ERICH1: variants seen among roughly 807,000 people sequenced by gnomAD.
ERICH1 encodes glutamate-rich protein 1.
Under a neutral mutation model 39.6 loss-of-function variants are expected in ERICH1, and 56 were observed. That is an observed-to-expected ratio of 1.41 (90% CI 1.14 to 1.77). ERICH1 has a LOEUF of 1.77. Ranked by LOEUF, ERICH1 falls within the 40% of genes most tolerant of loss-of-function variation. The pLI is 0.00. For synonymous variants in ERICH1, 313 were observed against 223.6 expected (o/e 1.40, Z -3.57); for missense variants, 826 against 575.4 (o/e 1.44, Z -4.45).
intron 3 of ERICH1, among the ~76,000 whole-genome samples, chr8:618,241 G>A (rs1797054815): frequency 6.6e-6 from 1 of 151,892 alleles, no homozygotes; most frequent in African/African-American, 2.4e-5. Flanking sequence ...TGAGTGCTCG[G>A]TACTTGGTCC....
chr8:627,892 C>A (rs974169677), intron 3 of ERICH1, among the ~76,000 whole-genome samples: 3 of 152,180 alleles, frequency 2.0e-5, no homozygotes, highest in Non-Finnish European at 4.4e-5. Context: ...ATCCCAGCTG[C>A]CTCCCCTAGT....
intron 3 of ERICH1, among the ~76,000 whole-genome samples, chr8:683,180 T>A (rs1266730013): frequency 6.6e-6 from 1 of 152,162 alleles, no homozygotes; most frequent in Admixed American, 6.5e-5. Flanking sequence ...CCCTGGAGAT[T>A]CAGGGATGGA....
intron 3 of ERICH1, among the ~76,000 whole-genome samples, chr8:684,760 G>A (rs1288629089): frequency 6.6e-6 from 1 of 152,116 alleles, no homozygotes; most frequent in African/African-American, 2.4e-5. Flanking sequence ...GTGTCCGGGG[G>A]AGACATCACA....
chr8:660,909 C>T (rs928104242), downstream of ERICH1, among the ~76,000 whole-genome samples: 1 of 152,054 alleles, frequency 6.6e-6, no homozygotes, highest in African/African-American at 2.4e-5. Flanking sequence ...ATACCTGCTC[C>T]TCCGCTGGGT....
At chr8:707,519 T>C (rs551375588) in intron 2 of ERICH1, among the ~76,000 whole-genome samples, 1 of 152,304 alleles carries the variant, frequency 6.6e-6, no homozygotes, top group African/African-American at 2.4e-5. Flanking sequence ...CAACTGATTT[T>C]CAATGAGTGC....
intron 1 of ERICH1, among the ~76,000 whole-genome samples, chr8:716,243 C>T (rs370180701): frequency 6.0e-4 from 92 of 152,368 alleles, no homozygotes; most frequent in African/African-American, 2.2e-3. Flanking sequence ...ATCAGCTGAC[C>T]CTCTCTCCAG....
chr8:616,367 T>G (rs1584918879), intron 3 of ERICH1: 1 of 351,824 alleles, frequency 2.8e-6, no homozygotes, highest in Admixed American at 3.5e-5. Context: ...CGGCCAGGTG[T>G]GGGCGGCCGC....
intron 4 of ERICH1, among the ~76,000 whole-genome samples, chr8:671,145 G>C (rs1803251649): frequency 1.3e-5 from 2 of 149,774 alleles, no homozygotes; most frequent in Non-Finnish European, 3.0e-5. Flanking sequence ...GCCAGCCCCG[G>C]TTCTAATGTC....
At chr8:676,681 C>G (rs2131901996) in intron 3 of ERICH1, among the ~76,000 whole-genome samples, 1 of 152,338 alleles carries the variant, frequency 6.6e-6, no homozygotes, top group East Asian at 1.9e-4. Flanking sequence ...CAAGCCCCGC[C>G]CAGACACTGA....
intron 2 of ERICH1, among the ~76,000 whole-genome samples, chr8:695,538 TCGCCC>T (rs2132104721): frequency 1.6e-5 from 2 of 125,490 alleles, no homozygotes; most frequent in Admixed American, 7.9e-5. Flanking sequence ...CTTGCTCCTC[TCGCCC>T]TCCACTCCTC....
At chr8:670,554 C>T (rs1182549323) in intron 4 of ERICH1, among the ~76,000 whole-genome samples, 2 of 152,226 alleles carry the variant, frequency 1.3e-5, no homozygotes, top group South Asian at 4.1e-4. Flanking sequence ...ACAGTGTCAT[C>T]TGCTTCTGGG....
rs111162128 is a variant in ERICH1 at position 700,300 on chromosome 8, C to G, written c.170-7688G>C. Among the ~76,000 whole-genome samples the G allele has an allele frequency of 9.2e-5, 7 of 75,736 alleles. 1 individual carries two copies. The highest frequency in any genetic ancestry group is 1.3e-4 in the Non-Finnish European group (4 of 29,718). The allele number at this position is 75,736 out of a possible 152,430, so 49.7% of individuals were successfully genotyped here. A position where few individuals can be genotyped will look rare whatever the true frequency, so the allele number is the denominator to read the frequency against. On this transcript the variant is annotated intron_variant, in intron 2 of 5. Coordinates refer to ENST00000262109, the MANE Select transcript of ERICH1 (RefSeq NM_207332.3). The stretch of plus-strand genomic sequence containing the variant: ...GCACAGACCCGCACAGGCCCGGACA[C>G]GCGCACAGACCCGCACACGCGCACA...
In ERICH1 at chr8:696,536, G is replaced by A. The variant is rs374761025; in HGVS notation, c.170-3924C>T. 3.6e-3 allele frequency among the ~76,000 whole-genome samples: 90 copies of A among 24,772 alleles called. 10 individuals are homozygous for A. The highest frequency in any genetic ancestry group is 0.027 in the African/African-American group (88 of 3,234). 16.3% of individuals were successfully genotyped at this position (24,772 alleles called of 152,430 possible). ...CCTTCCTCCCCATCAGCCTGTGCGC[G>A]CTCCTCACACCCTCCCTCTCCTTCC... On this transcript the variant is annotated intron_variant, in intron 2 of 5. Transcript: ENST00000262109.
intron 3 of ERICH1, among the ~76,000 whole-genome samples, chr8:679,513 G>A (rs1322965370): frequency 6.6e-6 from 1 of 151,948 alleles, no homozygotes; most frequent in Non-Finnish European, 1.5e-5. Flanking sequence ...CCCTGACAAG[G>A]GCATTGCAAG....
downstream of ERICH1, among the ~76,000 whole-genome samples, chr8:662,435 G>C (rs541444981): frequency 8.5e-4 from 129 of 151,858 alleles, no homozygotes; most frequent in Non-Finnish European, 1.6e-3. Flanking sequence ...GATCACCTGA[G>C]GTCGGGAGTT....
intron 2 of ERICH1, among the ~76,000 whole-genome samples, chr8:707,362 C>CAT (rs1813548869): frequency 6.6e-6 from 1 of 152,052 alleles, no homozygotes; most frequent in Non-Finnish European, 1.5e-5. Flanking sequence ...TACCTGCCAC[C>CAT]ATGCCTGAAT....
At chr8:702,084 A>G (rs895761502) in intron 2 of ERICH1, among the ~76,000 whole-genome samples, 1 of 151,322 alleles carries the variant, frequency 6.6e-6, no homozygotes, top group Admixed American at 6.6e-5. Context: ...CTCAAAAAAA[A>G]AAAAAAAAAA....
chr8:676,602 CG>C, intron 3 of ERICH1, among the ~76,000 whole-genome samples: 1 of 152,246 alleles, frequency 6.6e-6, no homozygotes, highest in East Asian at 1.9e-4. Flanking sequence ...TGGCGCCATG[CG>C]GGGGGAACAG....
intron 2 of ERICH1, among the ~76,000 whole-genome samples, chr8:700,048 C>T (rs567279712): frequency 4.2e-4 from 60 of 143,668 alleles, no homozygotes; most frequent in African/African-American, 1.5e-3. Flanking sequence ...CGCACAGGCC[C>T]GCACACGCGC....
Sources: gnomAD v4.1 joint callset for allele counts (sites outside exome capture counted in the v4.1 genomes callset) on GRCh38, gnomAD v4.1.1 for gene constraint, MANE v1.5 for transcripts, NCBI Gene and HGNC (gene_info 2026-07-23, HGNC 2026-07-21) for gene names.